The following ENTREP2 variants were observed in gnomAD, a reference collection of about 807,000 sequenced individuals.
The protein encoded by ENTREP2 is endosomal transmembrane epsin interactor 2.
chr15:29,529,800 C>T, the ENTREP2 span, among the ~76,000 whole-genome samples: 1 of 152,142 alleles, frequency 6.6e-6, no homozygotes, highest in Non-Finnish European at 1.5e-5. Flanking sequence ...GTTTACACAG[C>T]ACTTACAAAC....
At chr15:29,271,243 A>G in the ENTREP2 span, among the ~76,000 whole-genome samples, 7 of 152,230 alleles carry the variant, frequency 4.6e-5, no homozygotes, top group Non-Finnish European at 8.8e-5. Flanking sequence ...TTATCAAGGC[A>G]TTCATTTTTT....
the ENTREP2 span, among the ~76,000 whole-genome samples, chr15:29,148,788 A>T: frequency 2.0e-5 from 3 of 152,150 alleles, no homozygotes; most frequent in Non-Finnish European, 4.4e-5. Flanking sequence ...CATGAATCTA[A>T]CAACCCTTTT....
chr15:29,306,227 A>G, the ENTREP2 span, among the ~76,000 whole-genome samples: 2 of 152,246 alleles, frequency 1.3e-5, no homozygotes, highest in Non-Finnish European at 1.5e-5. Flanking sequence ...CTGAGCATTC[A>G]GCATAGACAG....
the ENTREP2 span, among the ~76,000 whole-genome samples, chr15:29,665,208 T>C: frequency 6.6e-6 from 1 of 152,256 alleles, no homozygotes; most frequent in South Asian, 2.1e-4. Context: ...AGTGCCCTTC[T>C]TCTGCGTATC....
At chr15:29,661,533 A>C in the ENTREP2 span, among the ~76,000 whole-genome samples, 7 of 152,250 alleles carry the variant, frequency 4.6e-5, no homozygotes, top group South Asian at 1.5e-3. Flanking sequence ...AAATTCAGAT[A>C]CCCTCACTGT....
the ENTREP2 span, among the ~76,000 whole-genome samples, chr15:29,470,405 C>A: frequency 6.6e-6 from 1 of 152,186 alleles, no homozygotes; most frequent in African/African-American, 2.4e-5. Flanking sequence ...CTCGGGGAGC[C>A]TCCTGCCAGC....
chr15:29,657,486 G>GGCGGGGC, the ENTREP2 span, among the ~76,000 whole-genome samples: 1 of 78,016 alleles, frequency 1.3e-5, no homozygotes, highest in African/African-American at 5.3e-5. Context: ...GGGGGGGCGG[G>GGCGGGGC]GGGGGGGGGT....
chr15:29,235,318 A>G, the ENTREP2 span, among the ~76,000 whole-genome samples: 1 of 151,906 alleles, frequency 6.6e-6, no homozygotes, highest in Non-Finnish European at 1.5e-5. Context: ...TATTTTGTAT[A>G]CTCCTTCTTT....
the ENTREP2 span, among the ~76,000 whole-genome samples, chr15:29,316,186 G>A: frequency 1.3e-5 from 2 of 152,140 alleles, no homozygotes; most frequent in Non-Finnish European, 2.9e-5. Context: ...AAGTGAACCA[G>A]TAAAACGGGC....
chr15:29,657,414 G>C, the ENTREP2 span, among the ~76,000 whole-genome samples: 5,932 of 130,424 alleles, frequency 0.045, 145 homozygotes, highest in South Asian at 0.071. Flanking sequence ...CAGCTATAAA[G>C]AAGCAAAGGA....
At chr15:29,548,280 A>C in the ENTREP2 span, among the ~76,000 whole-genome samples, 66,773 of 151,276 alleles carry the variant, frequency 0.44, 15,703 homozygotes, top group African/African-American at 0.62. Flanking sequence ...ATGGCAAAAC[A>C]CCATCTCTAC....
At chr15:29,571,224 C>T in the ENTREP2 span, among the ~76,000 whole-genome samples, 1 of 152,038 alleles carries the variant, frequency 6.6e-6, no homozygotes, top group Non-Finnish European at 1.5e-5. Context: ...TGCAGGTCTG[C>T]GGAAGGAGAG....
the ENTREP2 span, among the ~76,000 whole-genome samples, chr15:29,588,991 GAA>G: frequency 2.8e-5 from 3 of 107,656 alleles, no homozygotes; most frequent in Admixed American, 1.0e-4. Context: ...CCTTGTCTCA[GAA>G]AAAAAAAAAA....
the ENTREP2 span, among the ~76,000 whole-genome samples, chr15:29,223,364 TTC>T: frequency 6.6e-6 from 1 of 152,142 alleles, no homozygotes; most frequent in African/African-American, 2.4e-5. Flanking sequence ...GCCTCTGGGA[TTC>T]TGTTTCTTCC....
chr15:29,502,343 AAG>A, the ENTREP2 span, among the ~76,000 whole-genome samples: 1 of 152,124 alleles, frequency 6.6e-6, no homozygotes, highest in Non-Finnish European at 1.5e-5. Context: ...TCAATAAGGA[AAG>A]AATAATTTTC....
the ENTREP2 span, among the ~76,000 whole-genome samples, chr15:29,162,965 T>C: frequency 3.1e-4 from 47 of 152,228 alleles, no homozygotes; most frequent in African/African-American, 1.1e-3. Context: ...GAGAGACCCA[T>C]AGACGGTTCA....
the ENTREP2 span, among the ~76,000 whole-genome samples, chr15:29,491,044 C>T: frequency 0.04 from 6,166 of 152,254 alleles, 398 homozygotes; most frequent in African/African-American, 0.14. Flanking sequence ...TGAGGCCCCG[C>T]GAGAATTCGA....
At chr15:29,475,160 G>A in the ENTREP2 span, among the ~76,000 whole-genome samples, 9 of 152,164 alleles carry the variant, frequency 5.9e-5, no homozygotes, top group South Asian at 4.2e-4. Context: ...GTGGGACCCC[G>A]GACAGCCTTT....
the ENTREP2 span, among the ~76,000 whole-genome samples, chr15:29,280,262 T>TA: frequency 2.6e-5 from 4 of 152,242 alleles, no homozygotes; most frequent in Non-Finnish European, 1.5e-5. Flanking sequence ...ACTCATTTGT[T>TA]ACAAAGTCTC....
Sources: gnomAD v4.1 joint callset for allele counts (sites outside exome capture counted in the v4.1 genomes callset) on GRCh38, gnomAD v4.1.1 for gene constraint, MANE v1.5 for transcripts, NCBI Gene and HGNC (gene_info 2026-07-23, HGNC 2026-07-21) for gene names.